Variants in ADGRB3 observed in about 807,000 individuals in gnomAD.
ADGRB3 encodes brain-specific angiogenesis inhibitor 3.
ADGRB3 carries 37 observed loss-of-function variants against 193.4 expected under a neutral mutation model. That is an observed-to-expected ratio of 0.19 (90% confidence interval 0.15 to 0.25). The LOEUF is 0.25. Among genes scored for constraint, ADGRB3 ranks in the 10% least tolerant of loss-of-function variants. ADGRB3 has a pLI of 1.00. For synonymous variants in ADGRB3, 690 were observed against 644.2 expected (o/e 1.07, Z -1.08); for missense variants, 1,637 against 1,852.9 (o/e 0.88, Z 2.14).
intron 24 of ADGRB3, among the ~76,000 whole-genome samples, chr6:69,334,828 T>C (rs1768811710): frequency 6.6e-6 from 1 of 152,212 alleles, no homozygotes; most frequent in Non-Finnish European, 1.5e-5. Flanking sequence ...GCTGTGTCTA[T>C]GTGCCTTTGG....
chr6:68,657,314 G>C (rs973775825), intron 3 of ADGRB3, among the ~76,000 whole-genome samples: 1 of 151,350 alleles, frequency 6.6e-6, no homozygotes, highest in African/African-American at 2.4e-5. Flanking sequence ...GGGGGCAAAG[G>C]CTATATATAA....
At chr6:68,993,558 C>T (rs9294817) in intron 10 of ADGRB3, among the ~76,000 whole-genome samples, 9,742 of 152,100 alleles carry the variant, frequency 0.064, 956 homozygotes, top group African/African-American at 0.21. Context: ...TCAAGCCTGC[C>T]GAAAAGTATA....
chr6:68,638,532 C>T (rs1768006337), intron 2 of ADGRB3, 129 bp from the exon 3 acceptor site: 3 of 915,708 alleles, frequency 3.3e-6, no homozygotes, highest in Non-Finnish European at 4.8e-6. Context: ...TAAAAATTAC[C>T]TGCCCTTCTT....
intron 15 of ADGRB3, among the ~76,000 whole-genome samples, chr6:69,057,720 G>T (rs1771585847): frequency 6.6e-6 from 1 of 151,976 alleles, no homozygotes; most frequent in African/African-American, 2.4e-5. Context: ...TTCTGTAAAT[G>T]TGATGTATTA....
At chr6:69,091,184 G>A (rs940264568) in intron 17 of ADGRB3, among the ~76,000 whole-genome samples, 1 of 152,202 alleles carries the variant, frequency 6.6e-6, no homozygotes, top group Non-Finnish European at 1.5e-5. Context: ...CTTATACACT[G>A]TTGATGGGAG....
intron 17 of ADGRB3, among the ~76,000 whole-genome samples, chr6:69,182,552 T>G (rs1775614766): frequency 6.6e-6 from 1 of 152,130 alleles, no homozygotes; most frequent in South Asian, 2.1e-4. Context: ...TTTGTTCTGT[T>G]CTTCCCACTT....
chr6:69,193,247 C>T (rs1703033839), intron 17 of ADGRB3, among the ~76,000 whole-genome samples: 1 of 152,070 alleles, frequency 6.6e-6, no homozygotes, highest in East Asian at 1.9e-4. Flanking sequence ...TCTGCCAGCT[C>T]CTGCCTACTT....
At chr6:68,740,590 T>A (rs1165051387) in intron 3 of ADGRB3, among the ~76,000 whole-genome samples, 1 of 152,208 alleles carries the variant, frequency 6.6e-6, no homozygotes, top group Non-Finnish European at 1.5e-5. Flanking sequence ...CTACTAAGAA[T>A]GAAGCATATA....
At chr6:69,263,620 T>C (rs1305219522) in intron 20 of ADGRB3, among the ~76,000 whole-genome samples, 1 of 152,024 alleles carries the variant, frequency 6.6e-6, no homozygotes, top group Non-Finnish European at 1.5e-5. Context: ...ATTTGAAAAC[T>C]GCAGCCCTTG....
intron 10 of ADGRB3, among the ~76,000 whole-genome samples, chr6:68,993,196 T>G (rs1769288602): frequency 7.1e-6 from 1 of 140,726 alleles, no homozygotes; most frequent in Non-Finnish European, 1.6e-5. Context: ...TTGCTGTTTT[T>G]TTTTAAAAAA....
chr6:69,209,948 T>G (rs1765621272), intron 17 of ADGRB3, among the ~76,000 whole-genome samples: 1 of 151,462 alleles, frequency 6.6e-6, no homozygotes, highest in Non-Finnish European at 1.5e-5. Context: ...CTTAGTATTT[T>G]GAGGTCTAAT....
At chr6:69,020,505 G>A (rs769826909) in intron 13 of ADGRB3, among the ~76,000 whole-genome samples, 8 of 151,896 alleles carry the variant, frequency 5.3e-5, no homozygotes, top group Non-Finnish European at 7.4e-5. Flanking sequence ...ATGTTATCTA[G>A]GTTTACCTTC....
chr6:69,067,848 C>T (rs1254894586), intron 16 of ADGRB3, among the ~76,000 whole-genome samples: 2 of 152,078 alleles, frequency 1.3e-5, no homozygotes, highest in African/African-American at 4.8e-5. Flanking sequence ...TCTCATGTTT[C>T]AAATTTAGTT....
intron 17 of ADGRB3, among the ~76,000 whole-genome samples, chr6:69,122,661 T>C (rs1773744792): frequency 6.6e-6 from 1 of 152,032 alleles, no homozygotes; most frequent in Admixed American, 6.5e-5. Flanking sequence ...GAGTCATTTC[T>C]CCAGGAAAAC....
intron 10 of ADGRB3, among the ~76,000 whole-genome samples, chr6:68,980,347 G>A (rs920864470): frequency 1.3e-5 from 2 of 151,432 alleles, no homozygotes; most frequent in Non-Finnish European, 3.0e-5. Context: ...GATAGCTGGA[G>A]CTACAGACAG....
At chr6:69,044,156 T>C (rs967636452) in intron 13 of ADGRB3, among the ~76,000 whole-genome samples, 1 of 152,222 alleles carries the variant, frequency 6.6e-6, no homozygotes, top group East Asian at 1.9e-4. Flanking sequence ...TGGATCCAGA[T>C]CATAAGTCTG....
chr6:68,841,907 T>C (rs1025646562), intron 3 of ADGRB3, among the ~76,000 whole-genome samples: 1 of 150,256 alleles, frequency 6.7e-6, no homozygotes, highest in Admixed American at 6.6e-5. Context: ...GTGGGATTGC[T>C]TAATTGGTAC....
At chr6:68,658,727 A>G (rs1472376362) in intron 3 of ADGRB3, among the ~76,000 whole-genome samples, 3 of 151,250 alleles carry the variant, frequency 2.0e-5, no homozygotes, top group Non-Finnish European at 4.5e-5. Flanking sequence ...GAAAAATTTA[A>G]ATGTCTTAGG....
At chr6:69,232,559 G>T (rs540728440) in intron 17 of ADGRB3, 4 of 1,535,708 alleles carry the variant, frequency 2.6e-6, no homozygotes, top group East Asian at 2.4e-5. Context: ...CAAAGAAGCA[G>T]TTGAGGGAAA....
Sources: allele counts gnomAD v4.1 joint callset (sites outside exome capture counted in the v4.1 genomes callset), GRCh38; gene constraint gnomAD v4.1.1; transcripts MANE v1.5; gene names NCBI Gene and HGNC (gene_info 2026-07-23, HGNC 2026-07-21).